The following SGCZ variants were observed in gnomAD, a reference collection of about 807,000 sequenced individuals.
SGCZ encodes sarcoglycan zeta.
In SGCZ, 40 loss-of-function variants were observed where a neutral mutation model predicts 41.3. That is an observed-to-expected ratio of 0.97 (90% CI 0.75 to 1.26). The LOEUF is 1.26. Ranked by LOEUF, SGCZ falls within the 50% of genes most tolerant of loss-of-function variation. The pLI, the probability that SGCZ is intolerant of heterozygous loss-of-function variation, is 0.00. For missense variants in SGCZ, 552 were observed against 369.8 expected (o/e 1.49, Z -4.04); for synonymous variants, 206 against 137.5 (o/e 1.50, Z -3.49).
chr8:14,834,724 G>A (rs1242910184), intron 1 of SGCZ, among the ~76,000 whole-genome samples: 6 of 152,154 alleles, frequency 3.9e-5, no homozygotes, highest in Non-Finnish European at 7.3e-5. Context: ...GAAGAAGTCA[G>A]AAACAAACAG....
At chr8:14,656,992 T>C (rs1007645736) in intron 1 of SGCZ, among the ~76,000 whole-genome samples, 2 of 151,964 alleles carry the variant, frequency 1.3e-5, no homozygotes, top group Non-Finnish European at 2.9e-5. Context: ...TGTCTATATA[T>C]AAAATTTGTT....
At chr8:15,093,706 G>A (rs1229247953) in intron 1 of SGCZ, among the ~76,000 whole-genome samples, 1 of 152,128 alleles carries the variant, frequency 6.6e-6, no homozygotes, top group Non-Finnish European at 1.5e-5. Context: ...ACACTTCACT[G>A]TATTATATTA....
At chr8:14,643,945 G>A (rs1807116306) in intron 1 of SGCZ, among the ~76,000 whole-genome samples, 1 of 150,610 alleles carries the variant, frequency 6.6e-6, no homozygotes, top group South Asian at 2.1e-4. Flanking sequence ...ATAAGTCAGT[G>A]TGAATGAAGA....
intron 1 of SGCZ, among the ~76,000 whole-genome samples, chr8:14,615,087 C>T (rs750474118): frequency 1.3e-5 from 2 of 151,952 alleles, no homozygotes; most frequent in Non-Finnish European, 2.9e-5. Context: ...ATGTAAAAAA[C>T]ATTTATAGTA....
intron 5 of SGCZ, among the ~76,000 whole-genome samples, chr8:14,156,228 G>A (rs1803871741): frequency 6.6e-6 from 1 of 152,114 alleles, no homozygotes; most frequent in African/African-American, 2.4e-5. Flanking sequence ...CTGGCACTTT[G>A]GGAGGCCGAT....
intron 5 of SGCZ, among the ~76,000 whole-genome samples, chr8:14,109,648 A>C (rs1802315240): frequency 6.6e-6 from 1 of 152,202 alleles, no homozygotes; most frequent in Non-Finnish European, 1.5e-5. Context: ...CAATGATGAA[A>C]TTGCCACTAG....
intron 1 of SGCZ, among the ~76,000 whole-genome samples, chr8:15,008,971 A>T (rs958321946): frequency 6.6e-6 from 1 of 152,170 alleles, no homozygotes; most frequent in Non-Finnish European, 1.5e-5. Flanking sequence ...AAGTGCACAC[A>T]ATACTAGGTT....
intron 3 of SGCZ, among the ~76,000 whole-genome samples, chr8:14,276,655 C>G (rs1585310449): frequency 6.6e-6 from 1 of 152,084 alleles, no homozygotes; most frequent in Non-Finnish European, 1.5e-5. Flanking sequence ...TTATTATAAT[C>G]TCTTTTCTTT....
chr8:14,720,526 A>C (rs1427413735), intron 1 of SGCZ, among the ~76,000 whole-genome samples: 2 of 151,876 alleles, frequency 1.3e-5, no homozygotes, highest in African/African-American at 4.8e-5. Flanking sequence ...GTTCCACTGG[A>C]TTTCCTAGGT....
At chr8:14,601,858 C>T (rs1369821310) in intron 1 of SGCZ, among the ~76,000 whole-genome samples, 1 of 152,132 alleles carries the variant, frequency 6.6e-6, no homozygotes, top group African/African-American at 2.4e-5. Flanking sequence ...CGGTGGCTCA[C>T]GCCTGTAATC....
chr8:15,030,189 A>G (rs1803608416), intron 1 of SGCZ, among the ~76,000 whole-genome samples: 1 of 152,170 alleles, frequency 6.6e-6, no homozygotes, highest in Non-Finnish European at 1.5e-5. Context: ...GGCGCTGAAA[A>G]TAAATGATTC....
intron 1 of SGCZ, among the ~76,000 whole-genome samples, chr8:15,104,424 T>C (rs1019042145): frequency 1.3e-5 from 2 of 152,222 alleles, no homozygotes; most frequent in South Asian, 2.1e-4. Context: ...CATTTCTTTC[T>C]ATGCATGTGT....
intron 1 of SGCZ, among the ~76,000 whole-genome samples, chr8:15,216,775 T>C (rs1801417287): frequency 6.6e-6 from 1 of 151,830 alleles, no homozygotes; most frequent in South Asian, 2.1e-4. Flanking sequence ...AGTGATGGAG[T>C]TACAAACAGA....
At chr8:14,286,324 C>T (rs1204883622) in intron 3 of SGCZ, among the ~76,000 whole-genome samples, 1 of 152,038 alleles carries the variant, frequency 6.6e-6, no homozygotes, top group African/African-American at 2.4e-5. Context: ...TAAGCCTTGT[C>T]CAACTAGCAT....
At chr8:14,286,390 C>T (rs969932642) in intron 3 of SGCZ, among the ~76,000 whole-genome samples, 1 of 152,106 alleles carries the variant, frequency 6.6e-6, no homozygotes, top group Non-Finnish European at 1.5e-5. Flanking sequence ...TTCTAATTAG[C>T]GAATGCGTGC....
At chr8:15,068,572 C>A (rs1025332716) in intron 1 of SGCZ, among the ~76,000 whole-genome samples, 2 of 152,100 alleles carry the variant, frequency 1.3e-5, no homozygotes, top group Admixed American at 1.3e-4. Flanking sequence ...TATCAAACAG[C>A]TAGTAAATTT....
intron 1 of SGCZ, among the ~76,000 whole-genome samples, chr8:15,120,046 T>C (rs1807421755): frequency 6.6e-6 from 1 of 152,192 alleles, no homozygotes. Flanking sequence ...AGTCTTGCTA[T>C]GTTTTCCAGG....
At chr8:14,741,548 C>A (rs973779728) in intron 1 of SGCZ, among the ~76,000 whole-genome samples, 3 of 151,990 alleles carry the variant, frequency 2.0e-5, no homozygotes, top group East Asian at 1.9e-4. Context: ...TAAGTATTTA[C>A]ATTCAAAACA....
At chr8:14,528,840 AAAC>A (rs1408503830) in intron 2 of SGCZ, among the ~76,000 whole-genome samples, 11 of 150,748 alleles carry the variant, frequency 7.3e-5, no homozygotes, top group African/African-American at 2.7e-4. Context: ...AAAAAAAACA[AAAC>A]AAAAACAAAA....
Sources: allele counts gnomAD v4.1 joint callset (sites outside exome capture counted in the v4.1 genomes callset), GRCh38; gene constraint gnomAD v4.1.1; transcripts MANE v1.5; gene names NCBI Gene and HGNC (gene_info 2026-07-23, HGNC 2026-07-21).